Variants in THSD4 observed in about 807,000 individuals in gnomAD.
The protein encoded by THSD4 is thrombospondin type 1 domain containing 4, also known as thrombospondin type-1 domain-containing protein 4.
Under a neutral mutation model 119.0 loss-of-function variants are expected in THSD4, and 69 were observed. The observed-to-expected ratio is 0.58, with a 90% CI of 0.48 to 0.71. The LOEUF is 0.71. THSD4 is among the 30% of genes least tolerant of loss of function. The probability of loss-of-function intolerance (pLI) is 0.00; values close to 1 mark genes in which losing one functional copy is unlikely to be tolerated. For missense variants in THSD4, 1,393 were observed against 1,391.1 expected, an observed-to-expected ratio of 1.00 and a Z score of -0.02; for synonymous variants, 524 against 540.4, an observed-to-expected ratio of 0.97 and a Z score of 0.42.
intron 3 of THSD4, among the ~76,000 whole-genome samples, chr15:71,198,139 T>C (rs186404222): frequency 6.6e-6 from 1 of 152,328 alleles, no homozygotes; most frequent in East Asian, 1.9e-4. Context: ...CATGAACCTA[T>C]AGTCCCAGCT....
chr15:71,395,940 C>CAT (rs1408765937), intron 6 of THSD4, among the ~76,000 whole-genome samples: 2 of 150,602 alleles, frequency 1.3e-5, no homozygotes, highest in East Asian at 3.9e-4. Flanking sequence ...CACACACACA[C>CAT]ACACACACAC....
In THSD4 at chr15:71,782,177, C is replaced by G. The variant is rs2054007596; in HGVS notation, c.*4803C>G. On this transcript the variant is annotated 3_prime_UTR_variant, in exon 18 of 18. Transcript: ENST00000261862. Reference sequence around the variant, plus strand: ...CTCAGCTCGACTGGAGTTTCTGCACCTTTGCAGGGGCAAAGTAACTCCCTG... The same window carrying G: ...CTCAGCTCGACTGGAGTTTCTGCACGTTTGCAGGGGCAAAGTAACTCCCTG... The G allele has an allele frequency of 1.3e-5, 2 of 152,232 alleles. No individual in the cohort carries two copies. Among genetic ancestry groups the G allele is most frequent in the South Asian group, 4.1e-4 (2 of 4,824 alleles). The allele number at this position is 152,232 out of a possible 1,614,324, so 9.4% of individuals were successfully genotyped here.
intron 4 of THSD4, among the ~76,000 whole-genome samples, chr15:71,217,867 A>G (rs1032382374): frequency 6.7e-6 from 1 of 149,492 alleles, no homozygotes; most frequent in African/African-American, 2.5e-5. Context: ...GTTCACTGCA[A>G]CCTCCACCTC....
chr15:71,761,811 A>G (rs578080462), intron 15 of THSD4, among the ~76,000 whole-genome samples: 3 of 152,302 alleles, frequency 2.0e-5, no homozygotes, highest in Non-Finnish European at 2.9e-5. Context: ...ATACCTGAAA[A>G]TGACTTCATT....
chr15:71,618,348 C>T (rs917368842), intron 7 of THSD4, among the ~76,000 whole-genome samples: 13 of 152,206 alleles, frequency 8.5e-5, no homozygotes, highest in Non-Finnish European at 1.2e-4. Flanking sequence ...CATGCGCACA[C>T]TTTAACAGCA....
intron 6 of THSD4, among the ~76,000 whole-genome samples, chr15:71,373,219 TA>T (rs2046081735): frequency 6.6e-6 from 1 of 152,230 alleles, no homozygotes. Context: ...GGATTAAAAA[TA>T]ATTCTTAATA....
At chr15:71,281,942 C>G (rs4275810) in intron 6 of THSD4, among the ~76,000 whole-genome samples, 108,611 of 152,092 alleles carry the variant, frequency 0.71, 39,226 homozygotes, top group East Asian at 0.85. Flanking sequence ...AAAACCCTGA[C>G]TCTGATGTTC....
intron 7 of THSD4, among the ~76,000 whole-genome samples, chr15:71,588,077 T>C (rs954948560): frequency 2.6e-4 from 39 of 151,902 alleles, no homozygotes; most frequent in African/African-American, 8.9e-4. Context: ...GAGGCCGAGG[T>C]GGGCGGATCA....
intron 6 of THSD4, among the ~76,000 whole-genome samples, chr15:71,374,348 A>G (rs534617136): frequency 2.0e-5 from 3 of 152,314 alleles, no homozygotes; most frequent in South Asian, 2.1e-4. Flanking sequence ...AGGGTGTGCT[A>G]TCTTCTGGGG....
chr15:71,315,073 A>G (rs888984207), intron 6 of THSD4, among the ~76,000 whole-genome samples: 1 of 152,078 alleles, frequency 6.6e-6, no homozygotes, highest in African/African-American at 2.4e-5. Context: ...TGCAATCAGG[A>G]ATATGTTGAT....
At chr15:71,306,130 A>G (rs1343292450) in intron 6 of THSD4, among the ~76,000 whole-genome samples, 1 of 151,876 alleles carries the variant, frequency 6.6e-6, no homozygotes, top group East Asian at 1.9e-4. Flanking sequence ...ACATGGCGAA[A>G]CCTCTTCTCT....
At chr15:71,303,638 T>C (rs1252605948) in intron 6 of THSD4, among the ~76,000 whole-genome samples, 1 of 152,158 alleles carries the variant, frequency 6.6e-6, no homozygotes, top group African/African-American at 2.4e-5. Flanking sequence ...TTACTATTGA[T>C]ACCATTCACA....
At chr15:71,272,611 G>T (rs773590787) in intron 6 of THSD4, among the ~76,000 whole-genome samples, 1 of 151,900 alleles carries the variant, frequency 6.6e-6, no homozygotes, top group Non-Finnish European at 1.5e-5. Context: ...ATGAAAGATG[G>T]TAAGTGTTGG....
intron 6 of THSD4, among the ~76,000 whole-genome samples, chr15:71,407,245 G>A (rs750654143): frequency 2.6e-5 from 4 of 152,078 alleles, no homozygotes; most frequent in Non-Finnish European, 4.4e-5. Flanking sequence ...CCCGGTTTTA[G>A]GTCTGCTTTC....
At chr15:71,221,454 G>A (rs558008130) in intron 4 of THSD4, among the ~76,000 whole-genome samples, 11 of 151,976 alleles carry the variant, frequency 7.2e-5, no homozygotes, top group African/African-American at 1.7e-4. Context: ...TTCCCCCACC[G>A]CAGCCCTTAG....
intron 16 of THSD4, chr15:71,766,554 C>T (rs146406283): frequency 9.7e-4 from 147 of 152,310 alleles, no homozygotes; most frequent in African/African-American, 3.5e-3. Flanking sequence ...TAGCAAACCA[C>T]ATCTCAGAGG....
At chr15:71,176,168 C>G (rs2043448903) in intron 3 of THSD4, among the ~76,000 whole-genome samples, 1 of 146,454 alleles carries the variant, frequency 6.8e-6, no homozygotes. Flanking sequence ...GGACTACATT[C>G]TGCAATTAAA....
chr15:71,327,640 C>A (rs149897385), intron 6 of THSD4, among the ~76,000 whole-genome samples: 1 of 152,124 alleles, frequency 6.6e-6, no homozygotes, highest in South Asian at 2.1e-4. Context: ...TGTCACCCCC[C>A]ACCCACTGTG....
chr15:71,111,038 T>G, upstream of THSD4: 1 of 1,241,746 alleles, frequency 8.1e-7, no homozygotes, highest in Non-Finnish European at 1.1e-6. Context: ...CAGCCTCGGA[T>G]CCGGGTGATG....
Sources: gnomAD v4.1 joint callset for allele counts (sites outside exome capture counted in the v4.1 genomes callset) on GRCh38, gnomAD v4.1.1 for gene constraint, MANE v1.5 for transcripts, NCBI Gene and HGNC (gene_info 2026-07-23, HGNC 2026-07-21) for gene names.